Variants in DNAH11 observed in about 807,000 individuals in gnomAD.
DNAH11 encodes dynein axonemal heavy chain 11.
Under a neutral mutation model 526.0 loss-of-function variants are expected in DNAH11, and 442 were observed. That is an observed-to-expected ratio of 0.84 (90% confidence interval 0.78 to 0.91). The LOEUF (loss-of-function observed/expected upper bound fraction) is 0.91. DNAH11 is among the 40% of genes least tolerant of loss of function. The probability of loss-of-function intolerance (pLI) is 0.00; values close to 1 mark genes in which losing one functional copy is unlikely to be tolerated. For missense variants in DNAH11, 6,989 were observed against 5,448.7 expected (o/e 1.28, Z -8.90); for synonymous variants, 2,461 against 1,935.9 (o/e 1.27, Z -7.12).
chr7:21,630,698 T>C (rs1786563004), intron 25 of DNAH11, among the ~76,000 whole-genome samples: 1 of 152,198 alleles, frequency 6.6e-6, no homozygotes, highest in Non-Finnish European at 1.5e-5. Context: ...TCTTGTCAAA[T>C]TGGAGCTCCT....
chr7:21,682,353 C>T (rs2919226), intron 31 of DNAH11, among the ~76,000 whole-genome samples: 12,369 of 151,686 alleles, frequency 0.082, 856 homozygotes, highest in African/African-American at 0.18. Context: ...GGTGAAACCC[C>T]GTCTCTAATA....
intron 65 of DNAH11, among the ~76,000 whole-genome samples, chr7:21,825,382 A>G (rs1295434329): frequency 6.6e-6 from 1 of 152,230 alleles, no homozygotes; most frequent in Non-Finnish European, 1.5e-5. Context: ...TTTATGTTCT[A>G]TAGTGAGATA....
chr7:21,753,798 A>G (rs955522533), intron 54 of DNAH11, among the ~76,000 whole-genome samples: 4 of 152,036 alleles, frequency 2.6e-5, no homozygotes, highest in Non-Finnish European at 5.9e-5. Flanking sequence ...CTGTGTTTAT[A>G]TGTTTGGATA....
chr7:21,554,052 C>T (rs148190464), intron 2 of DNAH11, among the ~76,000 whole-genome samples: 1 of 151,898 alleles, frequency 6.6e-6, no homozygotes, highest in Non-Finnish European at 1.5e-5. Context: ...GAAGTTTCCT[C>T]TTTTGGTTTT....
intron 42 of DNAH11, among the ~76,000 whole-genome samples, chr7:21,716,973 C>G (rs1430933847): frequency 4.6e-5 from 7 of 152,010 alleles, no homozygotes; most frequent in Admixed American, 1.3e-4. Context: ...TGAAATTGAC[C>G]TGTGGTCATA....
intron 65 of DNAH11, among the ~76,000 whole-genome samples, chr7:21,826,438 A>G (rs1318899303): frequency 6.6e-6 from 1 of 152,206 alleles, no homozygotes. Flanking sequence ...AATTAAGGGG[A>G]AAATGTTGCT....
chr7:21,748,810 C>A, intron 52 of DNAH11, 68 bp downstream of exon 52: 1 of 1,507,132 alleles, frequency 6.6e-7, no homozygotes, highest in Non-Finnish European at 8.9e-7. Context: ...GCTCCTAGTG[C>A]GCCCGTGTGG....
intron 2 of DNAH11, among the ~76,000 whole-genome samples, chr7:21,554,542 T>C (rs1414676151): frequency 6.6e-6 from 1 of 152,138 alleles, no homozygotes; most frequent in East Asian, 1.9e-4. Context: ...CAAGACGTCT[T>C]GCCCAGCAGG....
In DNAH11 at chr7:21,783,121, CT is replaced by C. The variant is rs1399077886; in HGVS notation, c.9484-1302del. Reference sequence around the variant, plus strand: ...GATAACTCCTTCACTCACATAAACTCTTTTATCTGTAGCAGTGTTCTGTAGC... The same window carrying C: ...GATAACTCCTTCACTCACATAAACTCTTTATCTGTAGCAGTGTTCTGTAGC... On this transcript the variant is annotated intron_variant, in intron 57 of 81. Transcript: ENST00000409508. 2.0e-5 allele frequency among the ~76,000 whole-genome samples: 3 copies of C among 152,076 alleles called. No homozygotes were observed. In the East Asian group the frequency reaches 5.8e-4, roughly 29 times the overall value.
intron 74 of DNAH11, among the ~76,000 whole-genome samples, chr7:21,878,806 G>C (rs1374242455): frequency 6.6e-6 from 1 of 151,972 alleles, no homozygotes; most frequent in Non-Finnish European, 1.5e-5. Context: ...AAGTCCTCTG[G>C]AAGACTAGGT....
chr7:21,635,276 C>T (rs1467819329), intron 25 of DNAH11, among the ~76,000 whole-genome samples: 2 of 152,158 alleles, frequency 1.3e-5, no homozygotes, highest in East Asian at 3.9e-4. Flanking sequence ...CCTGCCTCAG[C>T]CTCCCAGGTA....
Position 21,725,933 on chromosome 7 carries a change from C to T in DNAH11, c.7389C>T (p.Pro2463=). The T allele has an allele frequency of 6.4e-7, 1 of 1,566,136 alleles. No individual in the cohort carries two copies. Among genetic ancestry groups the T allele is most frequent in the East Asian group, 2.3e-5 (1 of 42,640 alleles). ...YVDHKTKKLL[P]WADKIAQFTM... ...ACCACAAAACTAAGAAATTATTGCCCTGGGCTGACAAAATTGCCCAGTTTA... is the reference window on the plus strand; with the variant it reads ...ACCACAAAACTAAGAAATTATTGCCTTGGGCTGACAAAATTGCCCAGTTTA... The change falls in exon 45 of 82, where the codon CCC becomes CCT. Residue 2463 remains proline, a synonymous_variant. Coordinates refer to ENST00000409508, the MANE Select transcript of DNAH11 (RefSeq NM_001277115.2).
intron 28 of DNAH11, among the ~76,000 whole-genome samples, chr7:21,641,746 G>T (rs947097095): frequency 3.3e-5 from 5 of 152,246 alleles, no homozygotes; most frequent in African/African-American, 4.8e-5. Flanking sequence ...TTTACAGAGT[G>T]CTATCTTCTC....
intron 36 of DNAH11, among the ~76,000 whole-genome samples, chr7:21,701,335 G>C (rs1473684148): frequency 2.0e-5 from 3 of 150,128 alleles, no homozygotes; most frequent in Non-Finnish European, 3.0e-5. Flanking sequence ...TGTTACCCAG[G>C]CTGGAGTACA....
At chr7:21,765,340 C>G in intron 54 of DNAH11, 88 bp from the exon 55 acceptor site, 1 of 1,582,962 alleles carries the variant, frequency 6.3e-7, no homozygotes, top group Middle Eastern at 1.7e-4. Flanking sequence ...GTTGGCTGCA[C>G]TCCTTTCTCT....
chr7:21,899,156 A>G (rs761285404), intron 79 of DNAH11, among the ~76,000 whole-genome samples, 180 bp from the exon 80 acceptor site: 2 of 152,206 alleles, frequency 1.3e-5, no homozygotes, highest in Non-Finnish European at 2.9e-5. Context: ...CTCCAATGGG[A>G]AACAAACTAG....
At chr7:21,628,175 A>C (rs1390630094) in intron 25 of DNAH11, among the ~76,000 whole-genome samples, 1 of 151,808 alleles carries the variant, frequency 6.6e-6, no homozygotes, top group African/African-American at 2.4e-5. Flanking sequence ...TATCAGTTCT[A>C]ACAGTTTTTT....
In DNAH11 at chr7:21,856,533, G is replaced by T. The variant is rs115635538; in HGVS notation, c.11202+2078G>T. Among the ~76,000 whole-genome samples the T allele has an allele frequency of 5.8e-3, 875 of 152,170 alleles. 6 individuals carry two copies. The highest frequency in any genetic ancestry group is 0.02 in the African/African-American group (817 of 41,520). On this transcript the variant is annotated intron_variant, in intron 68 of 81. Transcript: ENST00000409508. ...ACTACACTAAGGCATTACAATAAAA[G>T]AAAAATACTGGGCAGTCCCCCCTTG...
At chr7:21,649,661 T>C (rs1394918965) in intron 28 of DNAH11, among the ~76,000 whole-genome samples, 2 of 151,506 alleles carry the variant, frequency 1.3e-5, no homozygotes, top group African/African-American at 4.8e-5. Flanking sequence ...CTACTCTTTT[T>C]TTTTTTTTTT....
Sources: allele counts gnomAD v4.1 joint callset (sites outside exome capture counted in the v4.1 genomes callset), GRCh38; gene constraint gnomAD v4.1.1; transcripts MANE v1.5; gene names NCBI Gene and HGNC (gene_info 2026-07-23, HGNC 2026-07-21).